Variants in UBE3B observed in about 807,000 individuals in gnomAD.
The protein encoded by UBE3B is ubiquitin-protein ligase E3B.
A neutral mutation model predicts 132.3 loss-of-function variants in UBE3B; 80 were observed. The observed-to-expected ratio is 0.60, with a 90% CI of 0.50 to 0.73. UBE3B has a LOEUF of 0.73. Ranked by LOEUF, UBE3B falls within the 30% of genes least tolerant of loss-of-function variation. The probability of loss-of-function intolerance (pLI) is 0.00; values close to 1 mark genes in which losing one functional copy is unlikely to be tolerated. For synonymous variants in UBE3B, 487 were observed against 520.4 expected, an observed-to-expected ratio of 0.94 and a Z score of 0.87; for missense variants, 1,196 against 1,362.5, an observed-to-expected ratio of 0.88 and a Z score of 1.92.
At chr12:109,517,782 C>G in intron 19 of UBE3B, 1 of 276,456 alleles carries the variant, frequency 3.6e-6, no homozygotes, top group East Asian at 9.7e-5. Context: ...AGGACAGTCA[C>G]GGGATCCCCT....
downstream of UBE3B, among the ~76,000 whole-genome samples, chr12:109,537,637 C>G (rs1242229097): frequency 6.6e-6 from 1 of 152,234 alleles, no homozygotes; most frequent in Non-Finnish European, 1.5e-5. Context: ...CCAAAACACA[C>G]ATCGCCAGCC....
chr12:109,496,850 T>TA, intron 9 of UBE3B, among the ~76,000 whole-genome samples: 1 of 152,358 alleles, frequency 6.6e-6, no homozygotes, highest in East Asian at 1.9e-4. Context: ...ACTTTCTTGA[T>TA]AGTGTCTTTT....
At chr12:109,498,395 A>G (rs1878511189) in intron 11 of UBE3B, 42 bp downstream of exon 11, 2 of 1,596,508 alleles carry the variant, frequency 1.3e-6, no homozygotes, top group Non-Finnish European at 1.7e-6. Context: ...CCTGGCCATC[A>G]GGGAAAGCCC....
At chr12:109,488,066 A>G (rs1049924271) in intron 6 of UBE3B, among the ~76,000 whole-genome samples, 11 of 152,232 alleles carry the variant, frequency 7.2e-5, no homozygotes, top group African/African-American at 2.2e-4. Context: ...CATACGCATT[A>G]ATCCATTTAT....
chr12:109,515,839 A>G (rs1262548081), intron 18 of UBE3B, among the ~76,000 whole-genome samples: 7 of 152,126 alleles, frequency 4.6e-5, no homozygotes, highest in Non-Finnish European at 1.0e-4. Context: ...GCTCTTTCTA[A>G]ATAGGTTTAG....
rs1344064305 is a variant in UBE3B at position 109,503,129 on chromosome 12, C to T, written c.1389C>T (p.Ile463=). 4 of 1,614,244 alleles carry T rather than the reference C, an allele frequency of 2.5e-6. No homozygotes were observed. In the South Asian group the frequency reaches 4.4e-5, roughly 18 times the overall value. The change falls in exon 14 of 28, where the codon ATC becomes ATT. Residue 463 remains isoleucine, a synonymous_variant. Coordinates refer to ENST00000342494, the MANE Select transcript of UBE3B (RefSeq NM_130466.4). Reference sequence around the variant, plus strand: ...CAGAAGTCCAGAAGGTTTGCAACATCTGTGTCCTCTACCAGACCTCGCTGA... The same window carrying T: ...CAGAAGTCCAGAAGGTTTGCAACATTTGTGTCCTCTACCAGACCTCGCTGA... ...DSAEVQKVCN[I]CVLYQTSLTT...
At chr12:109,509,552 C>A (rs1566095946) in intron 15 of UBE3B, 44 bp from the exon 16 acceptor site, 15 of 1,401,134 alleles carry the variant, frequency 1.1e-5, no homozygotes, top group Non-Finnish European at 1.3e-5. Flanking sequence ...TTCTCTTCGC[C>A]TTTTTTCAGT....
chr12:109,521,384 G>T lies in UBE3B; in HGVS notation c.2254-57G>T, dbSNP rs1881692052. 1.3e-6 allele frequency: 2 copies of T among 1,599,550 alleles called. No individual in the cohort carries two copies. The highest frequency in any genetic ancestry group is 2.2e-5 in the South Asian group (2 of 90,334). ...GCCAGATTCAAGAAGTGAAGAGCTGGGCTTGCTCCTTGCAAGGCACTTGAC... is the reference window on the plus strand; with the variant it reads ...GCCAGATTCAAGAAGTGAAGAGCTGTGCTTGCTCCTTGCAAGGCACTTGAC... On this transcript the variant is annotated intron_variant, in intron 20 of 27. Transcript: ENST00000342494. This position sits in a 1 kb window ranked among gnomAD's most constrained non-coding sequence, Gnocchi z 4.2.
intron 9 of UBE3B, among the ~76,000 whole-genome samples, chr12:109,497,617 A>G (rs929101961): frequency 3.9e-5 from 6 of 152,126 alleles, no homozygotes; most frequent in African/African-American, 1.4e-4. Flanking sequence ...GGTTTTTCAT[A>G]GCTGCACAGT....
At chr12:109,497,187 T>A (rs575144023) in intron 9 of UBE3B, among the ~76,000 whole-genome samples, 1 of 152,060 alleles carries the variant, frequency 6.6e-6, no homozygotes, top group South Asian at 2.1e-4. Flanking sequence ...AAGAAAAAAA[T>A]TTCTCATAAT....
At chr12:109,507,527 T>C (rs754099566) in intron 14 of UBE3B, 37 bp from the exon 15 acceptor site, 1 of 1,595,120 alleles carries the variant, frequency 6.3e-7, no homozygotes. Flanking sequence ...AGGTGGAGTC[T>C]CCACCTGAAG....
intron 8 of UBE3B, chr12:109,490,462 T>G: frequency 6.5e-7 from 1 of 1,535,294 alleles, no homozygotes; most frequent in Non-Finnish European, 8.7e-7. Context: ...TGAGAAGTAA[T>G]GTTGACTTTG....
intron 10 of UBE3B, 40 bp from the exon 11 acceptor site, chr12:109,498,193 T>A (rs767193337): frequency 6.2e-7 from 1 of 1,610,566 alleles, no homozygotes; most frequent in Non-Finnish European, 8.5e-7. Flanking sequence ...GGAAACTGTT[T>A]CTGGCAGTTT....
At chr12:109,488,828 C>T (rs1002984882) in intron 7 of UBE3B, among the ~76,000 whole-genome samples, 160 bp downstream of exon 7, 31 of 152,300 alleles carry the variant, frequency 2.0e-4, no homozygotes, top group African/African-American at 7.5e-4. Flanking sequence ...CAGACTGCAT[C>T]GCAGTATCCA....
downstream of UBE3B, among the ~76,000 whole-genome samples, chr12:109,539,412 A>G (rs921444409): frequency 6.6e-6 from 1 of 152,184 alleles, no homozygotes; most frequent in Non-Finnish European, 1.5e-5. Flanking sequence ...TGCAGATCTT[A>G]CGAGGGCATT....
At chr12:109,504,891 C>T (rs546901106) in intron 14 of UBE3B, among the ~76,000 whole-genome samples, 2 of 151,972 alleles carry the variant, frequency 1.3e-5, no homozygotes, top group East Asian at 3.9e-4. Context: ...CTGCAGGCTC[C>T]GCCTCCCAGG....
chr12:109,538,517 G>A (rs201925415), downstream of UBE3B, among the ~76,000 whole-genome samples: 39 of 152,342 alleles, frequency 2.6e-4, no homozygotes, highest in East Asian at 5.2e-3. This position sits in a 1 kb window ranked among gnomAD's most constrained non-coding sequence, Gnocchi z 4.1. Context: ...TCCAGAGCAC[G>A]TGAGGATTAA....
intron 15 of UBE3B, chr12:109,509,361 C>T (rs1022477983): frequency 5.1e-5 from 16 of 314,916 alleles, no homozygotes; most frequent in South Asian, 2.5e-4. Context: ...CCTGTCACCC[C>T]GTCATCTAGG....
At chr12:109,482,489 C>T (rs1049493652) in intron 2 of UBE3B, among the ~76,000 whole-genome samples, 1 of 152,168 alleles carries the variant, frequency 6.6e-6, no homozygotes, top group Non-Finnish European at 1.5e-5. Flanking sequence ...TCTAGCCATC[C>T]GACTTTTTAC....
Sources: allele counts gnomAD v4.1 joint callset (sites outside exome capture counted in the v4.1 genomes callset), GRCh38; gene constraint gnomAD v4.1.1; non-coding constraint Gnocchi (gnomAD v3.1); transcripts MANE v1.5; gene names NCBI Gene and HGNC (gene_info 2026-07-23, HGNC 2026-07-21).